The following ZNF596 variants were observed in gnomAD, a reference collection of about 807,000 sequenced individuals.
ZNF596 encodes the protein zinc finger protein 596.
ZNF596 carries 45 observed loss-of-function variants against 48.3 expected under a neutral mutation model. That is an observed-to-expected ratio of 0.93 (90% CI 0.73 to 1.19). ZNF596 has a LOEUF of 1.19. ZNF596 is among the 50% of genes most tolerant of loss of function. The probability of loss-of-function intolerance (pLI) is 0.00; values close to 1 mark genes in which losing one functional copy is unlikely to be tolerated. For missense variants in ZNF596, 848 were observed against 599.7 expected, an observed-to-expected ratio of 1.41 and a Z score of -4.32; for synonymous variants, 270 against 202.0, an observed-to-expected ratio of 1.34 and a Z score of -2.85.
chr8:243,710 T>C lies in ZNF596; in HGVS notation c.140-12T>C, dbSNP rs776770281. Reference sequence around the variant, plus strand: ...AGAACTCAAAATCCATGTATCTTTTTCCCCAAAACAGGCAAACAGCTCTGC... The same window carrying C: ...AGAACTCAAAATCCATGTATCTTTTCCCCCAAAACAGGCAAACAGCTCTGC... On this transcript the variant is annotated splice_polypyrimidine_tract_variant and intron_variant, in intron 3 of 5. Coordinates refer to ENST00000398612, the MANE Select transcript of ZNF596 (RefSeq NM_001042416.3). 27 of 1,612,820 alleles carry C rather than the reference T, an allele frequency of 1.7e-5. No homozygotes were observed. The highest frequency in any genetic ancestry group is 1.2e-5 in the Non-Finnish European group (14 of 1,179,188).
At chr8:239,608 A>G (rs1796765535) in intron 1 of ZNF596, among the ~76,000 whole-genome samples, 1 of 152,244 alleles carries the variant, frequency 6.6e-6, no homozygotes, top group Non-Finnish European at 1.5e-5. Flanking sequence ...ACATATGAAC[A>G]GCCAGCTAAA....
rs376545410 is a variant in ZNF596 at position 244,680 on chromosome 8, C to T, written c.285C>T (p.Gly95=). 97 of 1,613,066 alleles carry T rather than the reference C, an allele frequency of 6.0e-5. No individual in the cohort carries two copies. The highest frequency in any genetic ancestry group is 2.4e-4 in the South Asian group (22 of 91,030). ...IPFIQHIYQK[G]TSTISTMRSH... is the part of the protein sequence containing the mutation. ...TCATTCAACATATCTATCAGAAGGGCACGTCCACCATCAGCACAATGGTAA... is the reference window on the plus strand; with the variant it reads ...TCATTCAACATATCTATCAGAAGGGTACGTCCACCATCAGCACAATGGTAA... The change falls in exon 5 of 6, where the codon GGC becomes GGT. Residue 95 remains glycine (G), a synonymous_variant. Coordinates refer to ENST00000398612, the MANE Select transcript of ZNF596 (RefSeq NM_001042416.3).
chr8:242,324 G>A (rs1295135574), intron 2 of ZNF596, among the ~76,000 whole-genome samples: 1 of 147,328 alleles, frequency 6.8e-6, no homozygotes. Context: ...ACAACTGAGT[G>A]TTCTCAGTCA....
intron 1 of ZNF596, among the ~76,000 whole-genome samples, chr8:236,519 G>T (rs1055164796): frequency 6.6e-6 from 1 of 152,068 alleles, no homozygotes; most frequent in Non-Finnish European, 1.5e-5. Context: ...TGGTTCTTTT[G>T]TTAACTGCTG....
At position 246,080 on chromosome 8, in the gene ZNF596, A is replaced by G; in HGVS notation, c.1233A>G (p.Arg411=). Residue 411 remains arginine, a synonymous_variant, in exon 6 of 6, where the codon AGA becomes AGG. Transcript: ENST00000398612. ...CTTCTGACCTCAGACGACATGAGAG[A>G]ACTCACACTGGAGAAAAACCATATG... The part of the protein sequence containing the change: ...TESSDLRRHE[R]THTGEKPYEC... The G allele has an allele frequency of 1.2e-6, 2 of 1,614,012 alleles. No homozygotes were observed. Among genetic ancestry groups the G allele is most frequent in the Non-Finnish European group, 1.7e-6 (2 of 1,179,856 alleles).
intron 1 of ZNF596, chr8:233,220 A>G: frequency 2.3e-6 from 1 of 427,326 alleles, no homozygotes; most frequent in Non-Finnish European, 4.9e-6. Context: ...AAATAGACAA[A>G]ATGGGAATCA....
rs543250255 is a variant in ZNF596, at chr8:235,478, G to GT, written c.-73+2796dup. ...AACCAGAACTTGATACTGTATGTAT[G>GT]TTTTTTTTTTTTAGATTTGGATAAA... On this transcript the variant is annotated intron_variant, in intron 1 of 5. Coordinates refer to ENST00000398612, the MANE Select transcript of ZNF596 (RefSeq NM_001042416.3). 4.7e-3 allele frequency among the ~76,000 whole-genome samples: 672 copies of GT among 143,708 alleles called. 7 individuals are homozygous for GT. Among genetic ancestry groups the GT allele is most frequent in the African/African-American group, 0.014 (534 of 39,432 alleles). 94.3% of individuals were successfully genotyped at this position (143,708 alleles called of 152,430 possible).
At chr8:236,958 G>A (rs1355420273) in intron 1 of ZNF596, 2 of 152,164 alleles carry the variant, frequency 1.3e-5, no homozygotes, top group South Asian at 4.1e-4. Flanking sequence ...AATAACTTAG[G>A]TTACAAAGGA....
In ZNF596 at chr8:246,556, T is replaced by A; in HGVS notation, c.*194T>A. 1 of 580,414 alleles carries A rather than the reference T, an allele frequency of 1.7e-6. No individual in the cohort carries two copies. The highest frequency in any genetic ancestry group is 2.8e-6 in the Non-Finnish European group (1 of 355,408). 36.0% of individuals were successfully genotyped at this position (580,414 alleles called of 1,614,324 possible). On this transcript the variant is annotated 3_prime_UTR_variant, in exon 6 of 6. Coordinates refer to ENST00000398612, the MANE Select transcript of ZNF596 (RefSeq NM_001042416.3). Reference sequence around the variant, plus strand: ...AACTTCAGACTCTAGGCTGACCATATACAACGTGAGAGAATGAAACTATAG... The same window carrying A: ...AACTTCAGACTCTAGGCTGACCATAAACAACGTGAGAGAATGAAACTATAG...
At chr8:240,779 C>T in intron 1 of ZNF596, 45 bp from the exon 2 acceptor site, 1 of 1,309,318 alleles carries the variant, frequency 7.6e-7, no homozygotes, top group Non-Finnish European at 1.1e-6. Flanking sequence ...AGAAGCAAAA[C>T]TGGAGTGTCA....
chr8:245,532 G>C lies in ZNF596; in HGVS notation c.685G>C (p.Gly229Arg), dbSNP rs1369411581. 1.2e-6 allele frequency: 2 copies of C among 1,614,024 alleles called. No homozygotes were observed. Among genetic ancestry groups the C allele is most frequent in the Non-Finnish European group, 8.5e-7 (1 of 1,180,014 alleles). ...GAAACCACACGGATGTCATCTATGT[G>C]GGAAAGCCTTTACTCATTGCTCTGA... is the stretch of plus-strand genomic sequence containing the variant. ...GEKPHGCHLC[G>R]KAFTHCSDLR... is the part of the protein sequence containing the mutation. The change falls in exon 6 of 6, where the codon GGG (glycine) becomes CGG (arginine). Residue 229 changes from glycine (G) to arginine (R), a missense_variant. Gly to Arg is a moderately radical substitution (Grantham distance 125, BLOSUM62 -2). Coordinates refer to ENST00000398612, the MANE Select transcript of ZNF596 (RefSeq NM_001042416.3).
intron 2 of ZNF596, 146 bp downstream of exon 2, chr8:241,053 T>A: frequency 9.7e-7 from 1 of 1,026,264 alleles, no homozygotes; most frequent in South Asian, 1.3e-5. Context: ...AATGTTTACA[T>A]TGGCTCAAAG....
rs1796454837 is a variant in ZNF596 at position 232,692 on chromosome 8, C to G, written c.-75C>G. ...CCGCCCATCCTATCGCGCGCGGCCT[C>G]AGGTCCCGATTCGGCATGTGGCTTG... On this transcript the variant is annotated splice_region_variant and 5_prime_UTR_variant, in exon 1 of 6. Transcript: ENST00000398612. 7 of 386,400 alleles carry G rather than the reference C, an allele frequency of 1.8e-5. No homozygotes were observed. In the Admixed American group the frequency reaches 2.1e-4, roughly 11 times the overall value. 23.9% of individuals were successfully genotyped at this position (386,400 alleles called of 1,614,324 possible).
At chr8:233,134 G>T (rs1392724346) in intron 1 of ZNF596, 2 of 468,148 alleles carry the variant, frequency 4.3e-6, no homozygotes, top group South Asian at 3.1e-5. Context: ...GATGGGAAGT[G>T]GATGGGTCTG....
In ZNF596 at chr8:246,369, T is replaced by G; in HGVS notation, c.*7T>G. ...AAAAGCAATGAATATGTAAGAATCATCAGCTGTAGCGTTAACACTAAATAC... is the reference window on the plus strand; with the variant it reads ...AAAAGCAATGAATATGTAAGAATCAGCAGCTGTAGCGTTAACACTAAATAC... On this transcript the variant is annotated 3_prime_UTR_variant, in exon 6 of 6. Transcript: ENST00000398612. 5 of 1,570,842 alleles carry G rather than the reference T, an allele frequency of 3.2e-6. No individual in the cohort carries two copies. The highest frequency in any genetic ancestry group is 4.3e-6 in the Non-Finnish European group (5 of 1,163,546).
At chr8:235,668 C>T (rs10093989) in intron 1 of ZNF596, among the ~76,000 whole-genome samples, 20,125 of 151,994 alleles carry the variant, frequency 0.13, 1,570 homozygotes, top group South Asian at 0.18. Context: ...TACGCACACA[C>T]AAACACACAC....
chr8:243,907 A>G, intron 4 of ZNF596, 102 bp downstream of exon 4: 1 of 989,758 alleles, frequency 1.0e-6, no homozygotes, highest in Non-Finnish European at 1.5e-6. Flanking sequence ...TTGTTTTTTT[A>G]GACAGAATCT....
chr8:238,235 G>A (rs1426962128), intron 1 of ZNF596, among the ~76,000 whole-genome samples: 2 of 152,094 alleles, frequency 1.3e-5, no homozygotes, highest in Non-Finnish European at 2.9e-5. Flanking sequence ...GGTTTATGGT[G>A]GCCCCCATGG....
In ZNF596 at chr8:232,937, A is replaced by G. The variant is rs761663495; in HGVS notation, c.-73+243A>G. The stretch of plus-strand genomic sequence containing the variant: ...CCTGTAACAACCCTCGTGCTTCTGC[A>G]CAATCGCCTCCCACTAGCGGTGACT... On this transcript the variant is annotated intron_variant, in intron 1 of 5. Coordinates refer to ENST00000398612, the MANE Select transcript of ZNF596 (RefSeq NM_001042416.3). The G allele has an allele frequency of 6.4e-6, 3 of 468,868 alleles. No homozygotes were observed. The Admixed American group carries it at 7.1e-5, about 11-fold the overall frequency. The allele number at this position is 468,868 out of a possible 1,614,324, so 29.0% of individuals were successfully genotyped here. A position where few individuals can be genotyped will look rare whatever the true frequency, so the allele number is the denominator to read the frequency against.
Sources: allele counts gnomAD v4.1 joint callset (sites outside exome capture counted in the v4.1 genomes callset), GRCh38; gene constraint gnomAD v4.1.1; transcripts MANE v1.5; gene names NCBI Gene and HGNC (gene_info 2026-07-23, HGNC 2026-07-21).